The following LARGE1 variants were observed in gnomAD, a reference collection of about 807,000 sequenced individuals.
The protein encoded by LARGE1 is xylosyl- and glucuronyltransferase LARGE1.
A neutral mutation model predicts 87.6 loss-of-function variants in LARGE1; 43 were observed. That is an observed-to-expected ratio of 0.49 (90% CI 0.38 to 0.63). LARGE1 has a LOEUF of 0.63. Ranked by LOEUF, LARGE1 falls within the 30% of genes least tolerant of loss-of-function variation. The pLI, the probability that LARGE1 is intolerant of heterozygous loss-of-function variation, is 0.00. For synonymous variants in LARGE1, 434 were observed against 394.6 expected (o/e 1.10, Z -1.18); for missense variants, 802 against 1,000.2 (o/e 0.80, Z 2.67).
At chr22:33,086,113 A>G in the LARGE1 span, among the ~76,000 whole-genome samples, 2 of 152,220 alleles carry the variant, frequency 1.3e-5, no homozygotes, top group African/African-American at 2.4e-5. Flanking sequence ...GCTTCAGAGT[A>G]CAAATATTTT....
chr22:33,572,355 C>T (rs957009524), intron 5 of LARGE1: 16 of 313,166 alleles, frequency 5.1e-5, no homozygotes, highest in Non-Finnish European at 9.6e-5. Flanking sequence ...GACAGAGACA[C>T]TGGCAGATGC....
chr22:33,707,848 A>G (rs1230687246), intron 2 of LARGE1, among the ~76,000 whole-genome samples: 3 of 152,182 alleles, frequency 2.0e-5, no homozygotes, highest in Admixed American at 2.0e-4. Flanking sequence ...ACCCCCATAA[A>G]AATCAACAAT....
At chr22:33,173,486 T>C (rs1247605400) in intron 11 of LARGE1, among the ~76,000 whole-genome samples, 1 of 152,112 alleles carries the variant, frequency 6.6e-6, no homozygotes, top group Non-Finnish European at 1.5e-5. Flanking sequence ...AATTCACACA[T>C]AGCAATATTA....
intron 3 of LARGE1, among the ~76,000 whole-genome samples, chr22:33,640,088 G>T (rs1315478301): frequency 1.3e-5 from 2 of 152,214 alleles, no homozygotes; most frequent in East Asian, 1.9e-4. Flanking sequence ...CCTGCACCGT[G>T]ACAGGATGTC....
chr22:33,660,945 C>T (rs567935401), intron 2 of LARGE1, among the ~76,000 whole-genome samples: 197 of 152,022 alleles, frequency 1.3e-3, no homozygotes, highest in Non-Finnish European at 2.4e-3. Flanking sequence ...CTAAAATGTT[C>T]CAAGAGTGAG....
At chr22:33,451,133 T>TAAAAA (rs2067900635) in intron 6 of LARGE1, among the ~76,000 whole-genome samples, 1 of 152,112 alleles carries the variant, frequency 6.6e-6, no homozygotes. Flanking sequence ...GGCATGGCGT[T>TAAAAA]AAATCACCAA....
intron 2 of LARGE1, among the ~76,000 whole-genome samples, chr22:33,680,377 G>T (rs542703909): frequency 1.3e-5 from 2 of 151,698 alleles, no homozygotes; most frequent in Non-Finnish European, 2.9e-5. Flanking sequence ...TATTGATCAG[G>T]CTTTATTTTT....
chr22:33,363,811 G>A (rs1301855394), intron 9 of LARGE1, among the ~76,000 whole-genome samples: 1 of 149,860 alleles, frequency 6.7e-6, no homozygotes, highest in Non-Finnish European at 1.5e-5. Flanking sequence ...TGCGATCCCA[G>A]AGAGTCAATC....
chr22:33,134,744 T>G, the LARGE1 span, among the ~76,000 whole-genome samples: 1 of 152,278 alleles, frequency 6.6e-6, no homozygotes, highest in East Asian at 1.9e-4. Context: ...CCCCTCTCCT[T>G]TTCTCCTTTT....
intron 12 of LARGE1, 71 bp from the exon 13 acceptor site, chr22:33,283,419 C>A (rs913287753): frequency 6.4e-7 from 1 of 1,566,108 alleles, no homozygotes. Context: ...CCCATGAGGG[C>A]GGGGTGGTCA....
chr22:33,389,929 A>T (rs1257949955), intron 7 of LARGE1, among the ~76,000 whole-genome samples: 3 of 152,200 alleles, frequency 2.0e-5, no homozygotes, highest in African/African-American at 7.2e-5. Context: ...GCTGTCATTT[A>T]TCCTGCCATT....
At chr22:33,454,258 G>A (rs1448789401) in intron 6 of LARGE1, among the ~76,000 whole-genome samples, 1 of 152,004 alleles carries the variant, frequency 6.6e-6, no homozygotes, top group Non-Finnish European at 1.5e-5. Context: ...TCCTAGTTCA[G>A]GTATGTATTA....
chr22:33,888,126 A>G (rs533447264), intron 1 of LARGE1, among the ~76,000 whole-genome samples: 13 of 152,220 alleles, frequency 8.5e-5, no homozygotes, highest in South Asian at 8.3e-4. Flanking sequence ...CTCTTTCTTC[A>G]ATTGAAGAGG....
At chr22:33,183,614 A>ACACG (rs1555880656) in intron 11 of LARGE1, among the ~76,000 whole-genome samples, 4 of 94,034 alleles carry the variant, frequency 4.3e-5, no homozygotes, top group African/African-American at 1.5e-4. Flanking sequence ...ACACACACAC[A>ACACG]CACACGCACA....
At chr22:33,853,528 T>A (rs563200579) in intron 1 of LARGE1, among the ~76,000 whole-genome samples, 106 of 152,344 alleles carry the variant, frequency 7.0e-4, no homozygotes, top group African/African-American at 2.4e-3. Context: ...AAACCCCAGC[T>A]GCATAATTTC....
At chr22:33,886,754 T>C (rs1003724687) in intron 1 of LARGE1, among the ~76,000 whole-genome samples, 3 of 150,356 alleles carry the variant, frequency 2.0e-5, no homozygotes, top group Admixed American at 6.6e-5. Flanking sequence ...ATGTAAGACA[T>C]TAAAATTAAA....
At chr22:33,480,060 G>A (rs185391730) in intron 6 of LARGE1, among the ~76,000 whole-genome samples, 2 of 152,180 alleles carry the variant, frequency 1.3e-5, no homozygotes, top group East Asian at 1.9e-4. Context: ...GCCTCTTATC[G>A]GTCAAGCAAT....
At chr22:33,175,790 A>G (rs1038702489) in intron 11 of LARGE1, among the ~76,000 whole-genome samples, 2 of 152,226 alleles carry the variant, frequency 1.3e-5, no homozygotes, top group Admixed American at 6.5e-5. Flanking sequence ...TTTTCACAGA[A>G]TTGGAAAAAA....
chr22:33,497,877 A>C (rs901791163), intron 6 of LARGE1, among the ~76,000 whole-genome samples: 2 of 151,864 alleles, frequency 1.3e-5, no homozygotes, highest in Non-Finnish European at 1.5e-5. Context: ...CTTTTCATTT[A>C]TTTATTTGTT....
Sources: gnomAD v4.1 joint callset for allele counts (sites outside exome capture counted in the v4.1 genomes callset) on GRCh38, gnomAD v4.1.1 for gene constraint, MANE v1.5 for transcripts, NCBI Gene and HGNC (gene_info 2026-07-23, HGNC 2026-07-21) for gene names.